ZC3H14: variants seen among roughly 807,000 people sequenced by gnomAD.
ZC3H14 encodes zinc finger CCCH domain-containing protein 14.
Under a neutral mutation model 92.4 loss-of-function variants are expected in ZC3H14, and 31 were observed. That is an observed-to-expected ratio of 0.34 (90% CI 0.25 to 0.45). The LOEUF (loss-of-function observed/expected upper bound fraction) is 0.45, where lower values mean the gene tolerates loss of function less well. Among genes scored for constraint, ZC3H14 ranks in the 20% least tolerant of loss-of-function variants. The pLI is 1.00. For synonymous variants in ZC3H14, 321 were observed against 300.9 expected, an observed-to-expected ratio of 1.07 and a Z score of -0.69; for missense variants, 781 against 897.3, an observed-to-expected ratio of 0.87 and a Z score of 1.66.
In ZC3H14 at chr14:88,616,394, G is replaced by T; in HGVS notation, c.*4643G>T. The T allele has an allele frequency of 1.3e-6, 1 of 743,492 alleles. No individual in the cohort carries two copies. The highest frequency in any genetic ancestry group is 2.2e-6 in the Non-Finnish European group (1 of 450,416). 46.1% of individuals were successfully genotyped at this position (743,492 alleles called of 1,614,324 possible). A position where few individuals can be genotyped will look rare whatever the true frequency, so the allele number is the denominator to read the frequency against. Reference sequence around the variant, plus strand: ...ATTAGAATGCTTTTCAGCATGAGTAGTGGATCTGCAAAACCAGGCTGTGTG... The same window carrying T: ...ATTAGAATGCTTTTCAGCATGAGTATTGGATCTGCAAAACCAGGCTGTGTG... On this transcript the variant is annotated 3_prime_UTR_variant, in exon 17 of 17. Coordinates refer to ENST00000251038, the MANE Select transcript of ZC3H14 (RefSeq NM_024824.5).
At chr14:88,572,466 A>C (rs1007172212) in intron 5 of ZC3H14, 112 bp from the exon 6 acceptor site, 8 of 1,361,072 alleles carry the variant, frequency 5.9e-6, no homozygotes, top group African/African-American at 1.5e-5. Context: ...GGAATATGTA[A>C]AGGGAGTATC....
intron 12 of ZC3H14, among the ~76,000 whole-genome samples, chr14:88,603,896 CAT>C (rs2084967772): frequency 6.6e-6 from 1 of 152,134 alleles, no homozygotes. Flanking sequence ...AGAGGGAAAT[CAT>C]ATGTTAGTGG....
intron 15 of ZC3H14, 38 bp downstream of exon 15, chr14:88,609,841 A>T (rs763530706): frequency 6.3e-7 from 1 of 1,589,832 alleles, no homozygotes; most frequent in Non-Finnish European, 8.6e-7. Context: ...TTTAGTGACA[A>T]CATCTCAATT....
intron 2 of ZC3H14, among the ~76,000 whole-genome samples, chr14:88,566,710 A>C (rs2139476814): frequency 6.6e-6 from 1 of 152,296 alleles, no homozygotes; most frequent in East Asian, 1.9e-4. Flanking sequence ...ACTTGAGGTC[A>C]GGAGTTCGAG....
At chr14:88,576,713 G>GC in intron 8 of ZC3H14, among the ~76,000 whole-genome samples, 1 of 152,144 alleles carries the variant, frequency 6.6e-6, no homozygotes, top group Non-Finnish European at 1.5e-5. Context: ...TTACAGCATT[G>GC]CCCTGCTTAT....
rs1056275079 is a variant in ZC3H14, at chr14:88,614,556, T to C, written c.*2805T>C. Reference sequence around the variant, plus strand: ...CGATCTATTATGCTATAAAGATAATTAACACATTAAAAACTCATAGGGTCA... The same window carrying C: ...CGATCTATTATGCTATAAAGATAATCAACACATTAAAAACTCATAGGGTCA... On this transcript the variant is annotated 3_prime_UTR_variant, in exon 17 of 17. Transcript: ENST00000251038. The C allele has an allele frequency of 1.3e-5, 2 of 152,182 alleles. No homozygotes were observed. The highest frequency in any genetic ancestry group is 1.3e-4 in the Admixed American group (2 of 15,266). The allele number at this position is 152,182 out of a possible 1,614,324, so 9.4% of individuals were successfully genotyped here. A position where few individuals can be genotyped will look rare whatever the true frequency, so the allele number is the denominator to read the frequency against.
chr14:88,582,356 C>G (rs1000398071), intron 9 of ZC3H14, among the ~76,000 whole-genome samples: 2 of 152,150 alleles, frequency 1.3e-5, no homozygotes, highest in Non-Finnish European at 2.9e-5. Flanking sequence ...GGTTGAGCTT[C>G]ACCATGAGTG....
chr14:88,580,541 T>G (rs1170593702), intron 9 of ZC3H14, among the ~76,000 whole-genome samples: 1 of 38,628 alleles, frequency 2.6e-5, no homozygotes, highest in East Asian at 6.7e-4. Flanking sequence ...GACAAGAACA[T>G]TTTAAAAGTC....
At position 88,624,070 on chromosome 14, in the gene ZC3H14, TTTTTTGTTTTTG is replaced by T. The variant is rs563007625; in HGVS notation, c.*12331_*12342del. On this transcript the variant is annotated 3_prime_UTR_variant, in exon 17 of 17. Transcript: ENST00000251038. ...TCTTAGTCAACTATATGTCACATTTTTTTTTGTTTTTGTTTTTGTTTTTTAAATGGGGTCTCA... is the reference window on the plus strand; with the variant it reads ...TCTTAGTCAACTATATGTCACATTTTTTTTTGTTTTTTAAATGGGGTCTCA... The T allele has an allele frequency of 6.6e-6, 1 of 152,242 alleles. No homozygotes were observed. Among genetic ancestry groups the T allele is most frequent in the South Asian group, 2.1e-4 (1 of 4,826 alleles). 9.4% of individuals were successfully genotyped at this position (152,242 alleles called of 1,614,324 possible).
chr14:88,609,875 C>A, intron 15 of ZC3H14, 72 bp downstream of exon 15: 1 of 1,496,454 alleles, frequency 6.7e-7, no homozygotes, highest in South Asian at 1.1e-5. Flanking sequence ...TCTTTTTTGT[C>A]AGAGTTACTA....
In ZC3H14 at chr14:88,602,887, T is replaced by C; in HGVS notation, c.1574T>C (p.Val525Ala). 1 of 1,614,110 alleles carries C rather than the reference T, an allele frequency of 6.2e-7. No homozygotes were observed. Among genetic ancestry groups the C allele is most frequent in the Non-Finnish European group, 8.5e-7 (1 of 1,180,012 alleles). ...SPKFIVTLDG[V>A]PSPPGYMSDQ... ...AAGTTTATAGTGACGCTGGATGGTG[T>C]CCCCAGCCCCCCAGGATACATGTCA... Residue 525 changes from valine (V) to alanine (A), a missense_variant, in exon 12 of 17, where the codon GTC becomes GCC. This residue lies in a region of ZC3H14 where 221 missense variants were observed against 304.7 expected (regional missense o/e 0.73). Coordinates refer to ENST00000251038, the MANE Select transcript of ZC3H14 (RefSeq NM_024824.5).
chr14:88,604,748 T>A (rs1263505566), intron 12 of ZC3H14, among the ~76,000 whole-genome samples: 6 of 151,974 alleles, frequency 3.9e-5, no homozygotes, highest in Non-Finnish European at 7.4e-5. Context: ...GCATGCACCA[T>A]CACACCTGGC....
intron 3 of ZC3H14, 113 bp from the exon 4 acceptor site, chr14:88,570,971 T>A (rs2080305302): frequency 2.5e-6 from 2 of 800,180 alleles, no homozygotes; most frequent in Non-Finnish European, 3.5e-6. Flanking sequence ...AATAAAAATA[T>A]AAAAAAATTT....
intron 3 of ZC3H14, among the ~76,000 whole-genome samples, chr14:88,569,702 G>A (rs1595504871): frequency 6.6e-6 from 1 of 152,208 alleles, no homozygotes; most frequent in East Asian, 1.9e-4. Flanking sequence ...ACTGAGTGGG[G>A]AGATGAGCCT....
chr14:88,563,780 T>G, intron 2 of ZC3H14, 87 bp downstream of exon 2: 1 of 1,303,474 alleles, frequency 7.7e-7, no homozygotes, highest in Non-Finnish European at 1.1e-6. Flanking sequence ...TCACCGTACT[T>G]TGGACATTGG....
chr14:88,573,992 A>G (rs918331167), intron 6 of ZC3H14, among the ~76,000 whole-genome samples: 1 of 152,142 alleles, frequency 6.6e-6, no homozygotes, highest in Non-Finnish European at 1.5e-5. Context: ...GCTTGCTCCT[A>G]GAGTTCTTTT....
intron 4 of ZC3H14, among the ~76,000 whole-genome samples, 175 bp from the exon 5 acceptor site, chr14:88,571,855 T>C (rs1205671131): frequency 6.6e-6 from 1 of 152,070 alleles, no homozygotes; most frequent in Non-Finnish European, 1.5e-5. Flanking sequence ...TCCCAGCTAC[T>C]TGGGAGGCCG....
chr14:88,583,787 T>C (rs2082178587), intron 9 of ZC3H14, among the ~76,000 whole-genome samples: 1 of 152,228 alleles, frequency 6.6e-6, no homozygotes, highest in Non-Finnish European at 1.5e-5. Context: ...GGACTAATTA[T>C]TGGATGGGGA....
intron 12 of ZC3H14, among the ~76,000 whole-genome samples, chr14:88,604,642 G>A (rs1402500570): frequency 6.7e-6 from 1 of 148,870 alleles, no homozygotes; most frequent in Non-Finnish European, 1.5e-5. Context: ...CCCCCAGGCT[G>A]GAGTGCAATG....
Sources: allele counts gnomAD v4.1 joint callset (sites outside exome capture counted in the v4.1 genomes callset), GRCh38; gene constraint gnomAD v4.1.1; regional missense constraint gnomAD v4.1.1; transcripts MANE v1.5; gene names NCBI Gene and HGNC (gene_info 2026-07-23, HGNC 2026-07-21).